The following LIMCH1 variants were observed in gnomAD, a reference collection of about 807,000 sequenced individuals.
LIMCH1 encodes LIM and calponin homology domains-containing protein 1.
A neutral mutation model predicts 176.5 loss-of-function variants in LIMCH1; 113 were observed. The observed-to-expected ratio is 0.64, with a 90% CI of 0.55 to 0.75. LIMCH1 has a LOEUF of 0.75. Ranked by LOEUF, LIMCH1 falls within the 30% of genes least tolerant of loss-of-function variation. The pLI is 0.00. For missense variants in LIMCH1, 1,674 were observed against 1,814.9 expected, an observed-to-expected ratio of 0.92 and a Z score of 1.41; for synonymous variants, 619 against 645.9, an observed-to-expected ratio of 0.96 and a Z score of 0.63.
intron 13 of LIMCH1, among the ~76,000 whole-genome samples, chr4:41,637,921 A>AT (rs1217601687): frequency 1.3e-5 from 2 of 152,160 alleles, no homozygotes; most frequent in Non-Finnish European, 2.9e-5. Context: ...GGACCAGGTA[A>AT]TTTTTGCTGC....
intron 1 of LIMCH1, among the ~76,000 whole-genome samples, chr4:41,468,398 CTCCCTTCCTTCCTTCCTTCT>C (rs2066478857): frequency 7.3e-6 from 1 of 136,058 alleles, no homozygotes; most frequent in African/African-American, 2.7e-5. Flanking sequence ...CCCTCCCTTC[CTCCCTTCCTTCCTTCCTTCT>C]TTCCTTCTTT....
chr4:41,415,425 A>G (rs2059836892), intron 1 of LIMCH1, among the ~76,000 whole-genome samples: 2 of 151,912 alleles, frequency 1.3e-5, no homozygotes, highest in Admixed American at 1.3e-4. Flanking sequence ...CTCCTTGAAG[A>G]GAAATTTTAT....
intron 13 of LIMCH1, among the ~76,000 whole-genome samples, chr4:41,635,553 AT>A (rs1403384333): frequency 6.6e-6 from 1 of 152,096 alleles, no homozygotes; most frequent in African/African-American, 2.4e-5. Flanking sequence ...TTCTGGAAAG[AT>A]TCCTCTTTAT....
intron 1 of LIMCH1, among the ~76,000 whole-genome samples, chr4:41,402,989 G>GAA (rs66584828): frequency 0.015 from 2,288 of 148,710 alleles, 59 homozygotes; most frequent in African/African-American, 0.053. Context: ...TAAAAAAAAA[G>GAA]AAAAAAAAAG....
intron 18 of LIMCH1, among the ~76,000 whole-genome samples, chr4:41,658,810 G>A (rs1358566794): frequency 6.6e-6 from 1 of 152,112 alleles, no homozygotes; most frequent in African/African-American, 2.4e-5. Flanking sequence ...GCCCTGTTGT[G>A]TAGTTATTTA....
At chr4:41,535,162 CAAAA>C (rs61639965), upstream of LIMCH1, among the ~76,000 whole-genome samples, 12 of 83,984 alleles carry the variant, frequency 1.4e-4, no homozygotes, top group South Asian at 4.2e-4. Context: ...GACCCTGTCA[CAAAA>C]AAAAAAAAAA....
intron 2 of LIMCH1, among the ~76,000 whole-genome samples, chr4:41,500,900 G>A (rs999225628): frequency 6.6e-6 from 1 of 152,156 alleles, no homozygotes; most frequent in African/African-American, 2.4e-5. Context: ...TTCAGTTTTC[G>A]ATAGAGTGGT....
At chr4:41,672,808 C>G (rs958570266) in intron 22 of LIMCH1, among the ~76,000 whole-genome samples, 3 of 152,158 alleles carry the variant, frequency 2.0e-5, no homozygotes, top group Admixed American at 2.0e-4. Flanking sequence ...CCTGGCTCAG[C>G]CACATAATCA....
chr4:41,590,149 G>C (rs1279870977), intron 1 of LIMCH1, among the ~76,000 whole-genome samples: 2 of 151,992 alleles, frequency 1.3e-5, no homozygotes, highest in African/African-American at 4.8e-5. Flanking sequence ...CTGGAGTGTA[G>C]TGGCACAATC....
chr4:41,453,898 C>G (rs1328412126), intron 1 of LIMCH1, among the ~76,000 whole-genome samples: 2 of 152,150 alleles, frequency 1.3e-5, no homozygotes, highest in Non-Finnish European at 2.9e-5. Context: ...AACAGTCTTT[C>G]TTTTTCCACG....
At chr4:41,583,414 T>G (rs1190770553) in intron 1 of LIMCH1, among the ~76,000 whole-genome samples, 2 of 152,228 alleles carry the variant, frequency 1.3e-5, no homozygotes, top group Admixed American at 6.5e-5. Context: ...ATGTGTTAAC[T>G]CGTTTTAGTT....
At chr4:41,396,794 T>C (rs1333765318) in intron 1 of LIMCH1, among the ~76,000 whole-genome samples, 2 of 151,864 alleles carry the variant, frequency 1.3e-5, no homozygotes, top group African/African-American at 4.8e-5. Flanking sequence ...TCCCAACTAC[T>C]TGGGAGGGTA....
chr4:41,438,349 T>A (rs1449624665), intron 1 of LIMCH1, among the ~76,000 whole-genome samples: 1 of 152,096 alleles, frequency 6.6e-6, no homozygotes, highest in African/African-American at 2.4e-5. Flanking sequence ...TTACAGTGCT[T>A]GTGCCTTTTA....
intron 1 of LIMCH1, among the ~76,000 whole-genome samples, chr4:41,374,769 T>C (rs969098657): frequency 6.6e-6 from 1 of 152,150 alleles, no homozygotes; most frequent in Non-Finnish European, 1.5e-5. Flanking sequence ...GTGCATTGTG[T>C]GGCTTTATGC....
chr4:41,586,892 A>T (rs1242915228), intron 1 of LIMCH1, among the ~76,000 whole-genome samples: 4 of 152,154 alleles, frequency 2.6e-5, no homozygotes, highest in Non-Finnish European at 5.9e-5. Context: ...GAGCCAACGG[A>T]GTCTTTGGGG....
chr4:41,516,976 T>C (rs1464598167), intron 2 of LIMCH1, among the ~76,000 whole-genome samples: 1 of 152,174 alleles, frequency 6.6e-6, no homozygotes, highest in Non-Finnish European at 1.5e-5. Flanking sequence ...AAGATAGTGC[T>C]AGGTGCTGTA....
chr4:41,439,361 G>A (rs1480366652), intron 1 of LIMCH1, among the ~76,000 whole-genome samples: 1 of 152,194 alleles, frequency 6.6e-6, no homozygotes, highest in Admixed American at 6.5e-5. Flanking sequence ...CAAGGTGCAT[G>A]GATCGCTTGA....
intron 1 of LIMCH1, among the ~76,000 whole-genome samples, chr4:41,414,605 C>T (rs2059767246): frequency 6.6e-6 from 1 of 152,124 alleles, no homozygotes; most frequent in Admixed American, 6.5e-5. Context: ...GACCTGGAGC[C>T]TGATGTAAAA....
rs149888976 is a variant in LIMCH1 at position 41,448,888 on chromosome 4, G to A, written c.97-45648G>A. Among the ~76,000 whole-genome samples the A allele has an allele frequency of 7.9e-5, 12 of 152,070 alleles. No individual in the cohort carries two copies. In the East Asian group the frequency reaches 1.9e-3, roughly 24 times the overall value. On this transcript the variant is annotated intron_variant, in intron 1 of 26. Transcript: ENST00000313860. Reference sequence around the variant, plus strand: ...TTTTGAGCATGTACCCCCAATTTACGTAGATGGAAATACATTTGTTGACTT... The same window carrying A: ...TTTTGAGCATGTACCCCCAATTTACATAGATGGAAATACATTTGTTGACTT...
Sources: allele counts gnomAD v4.1 joint callset (sites outside exome capture counted in the v4.1 genomes callset), GRCh38; gene constraint gnomAD v4.1.1; transcripts MANE v1.5; gene names NCBI Gene and HGNC (gene_info 2026-07-23, HGNC 2026-07-21).